The following ADCY2 variants were observed in gnomAD, a reference collection of about 807,000 sequenced individuals.
The protein encoded by ADCY2 is adenylate cyclase type 2.
A neutral mutation model predicts 125.2 loss-of-function variants in ADCY2; 31 were observed. The ratio of observed to expected loss-of-function variants is 0.25; its 90% confidence interval spans 0.19 to 0.33. The LOEUF is 0.33. Ranked by LOEUF, ADCY2 falls within the 10% of genes least tolerant of loss-of-function variation. The pLI, the probability that ADCY2 is intolerant of heterozygous loss-of-function variation, is 1.00. For missense variants in ADCY2, 904 were observed against 1,418.2 expected, an observed-to-expected ratio of 0.64 and a Z score of 5.82; for synonymous variants, 512 against 548.4, an observed-to-expected ratio of 0.93 and a Z score of 0.93.
chr5:7,702,441 A>T (rs1741116749), intron 7 of ADCY2, among the ~76,000 whole-genome samples: 8 of 147,096 alleles, frequency 5.4e-5, no homozygotes, highest in Admixed American at 5.4e-4. Flanking sequence ...ATGTGTTCTC[A>T]TTGTTCAGTT....
chr5:7,624,892 G>A (rs1720494827), intron 3 of ADCY2, among the ~76,000 whole-genome samples: 1 of 152,090 alleles, frequency 6.6e-6, no homozygotes, highest in African/African-American at 2.4e-5. Flanking sequence ...GGGTAGGGTG[G>A]GTTTTAACCA....
chr5:7,787,290 T>C lies in ADCY2; in HGVS notation c.2470-2352T>C, dbSNP rs554777705. Among the ~76,000 whole-genome samples the C allele has an allele frequency of 1.8e-3, 271 of 152,324 alleles. 2 individuals are homozygous for C. Among genetic ancestry groups the C allele is most frequent in the African/African-American group, 6.3e-3 (260 of 41,574 alleles). ...TTCATCTTGGCCTCTGCTAGACGCC[T>C]GCGCATGGCCTCCCGCCATGTCTCT... is the stretch of plus-strand genomic sequence containing the variant. On this transcript the variant is annotated intron_variant, in intron 19 of 24. Transcript: ENST00000338316.
chr5:7,445,004 T>C (rs573202309), intron 2 of ADCY2, among the ~76,000 whole-genome samples: 137 of 152,350 alleles, frequency 9.0e-4, no homozygotes, highest in African/African-American at 3.0e-3. Context: ...GTCATTTACC[T>C]TTGATTTAAG....
chr5:7,789,389 G>A (rs540347549), intron 19 of ADCY2, among the ~76,000 whole-genome samples: 4 of 152,268 alleles, frequency 2.6e-5, no homozygotes, highest in South Asian at 4.2e-4. Flanking sequence ...CTTTAATGGC[G>A]CTTTGAATTT....
chr5:7,573,368 G>A (rs1736123928), intron 3 of ADCY2, among the ~76,000 whole-genome samples: 1 of 152,142 alleles, frequency 6.6e-6, no homozygotes, highest in Admixed American at 6.5e-5. Context: ...GTGAGCGAAG[G>A]ATTGAAGGTG....
At chr5:7,728,624 A>G (rs1173945051) in intron 14 of ADCY2, among the ~76,000 whole-genome samples, 1 of 152,210 alleles carries the variant, frequency 6.6e-6, no homozygotes, top group East Asian at 1.9e-4. Flanking sequence ...CCCAGTACAC[A>G]GTGGCTTATA....
At chr5:7,598,184 T>C (rs1737073361) in intron 3 of ADCY2, among the ~76,000 whole-genome samples, 1 of 152,116 alleles carries the variant, frequency 6.6e-6, no homozygotes, top group Non-Finnish European at 1.5e-5. Context: ...CTGTGCTGAG[T>C]CCTACAGTCA....
At chr5:7,773,477 T>C (rs1244874270) in intron 18 of ADCY2, among the ~76,000 whole-genome samples, 1 of 152,156 alleles carries the variant, frequency 6.6e-6, no homozygotes, top group African/African-American at 2.4e-5. Flanking sequence ...TCCCTGGCCT[T>C]TACCCACTGA....
At chr5:7,484,376 A>G (rs145215349) in intron 2 of ADCY2, among the ~76,000 whole-genome samples, 1 of 152,238 alleles carries the variant, frequency 6.6e-6, no homozygotes, top group Non-Finnish European at 1.5e-5. Flanking sequence ...ACAAATGTGC[A>G]TCATCTTCCC....
chr5:7,822,726 ATG>A (rs33999538), intron 24 of ADCY2, among the ~76,000 whole-genome samples: 81,603 of 151,188 alleles, frequency 0.54, 22,306 homozygotes, highest in Middle Eastern at 0.62. Context: ...GTGTACATGC[ATG>A]TGTGTGTGTG....
chr5:7,581,765 G>A (rs1040619299), intron 3 of ADCY2, among the ~76,000 whole-genome samples: 4 of 148,362 alleles, frequency 2.7e-5, no homozygotes, highest in African/African-American at 1.0e-4. Context: ...AGCTTGCAGT[G>A]AGCTGAGATT....
At chr5:7,459,841 C>T (rs1210549421) in intron 2 of ADCY2, among the ~76,000 whole-genome samples, 2 of 118,932 alleles carry the variant, frequency 1.7e-5, no homozygotes, top group African/African-American at 6.5e-5. Context: ...GGCTGGAGTG[C>T]AGTGGCGCGA....
intron 3 of ADCY2, among the ~76,000 whole-genome samples, chr5:7,522,961 AC>A: frequency 6.6e-6 from 1 of 151,870 alleles, no homozygotes; most frequent in Admixed American, 6.6e-5. Context: ...AAATGAGAAA[AC>A]AATTTGCTCA....
intron 14 of ADCY2, among the ~76,000 whole-genome samples, chr5:7,731,589 T>C (rs1742105560): frequency 6.6e-6 from 1 of 151,166 alleles, no homozygotes; most frequent in Admixed American, 6.6e-5. Context: ...TATGGAAATA[T>C]CACTTCTTTT....
chr5:7,753,187 G>A (rs564566484), intron 15 of ADCY2, among the ~76,000 whole-genome samples: 1 of 152,270 alleles, frequency 6.6e-6, no homozygotes, highest in South Asian at 2.1e-4. Context: ...GTGAGCCACA[G>A]TGCCTGGCTA....
rs561788027 is a variant in ADCY2, at chr5:7,418,919, C to T, written c.408+4149C>T. On this transcript the variant is annotated intron_variant, in intron 2 of 24. Coordinates refer to ENST00000338316, the MANE Select transcript of ADCY2 (RefSeq NM_020546.3). ...CTGCCTGCCTTGGCCTCCCAAACTGCTGGGATTACAGGCGTGAGCCACTGC... is the reference window on the plus strand; with the variant it reads ...CTGCCTGCCTTGGCCTCCCAAACTGTTGGGATTACAGGCGTGAGCCACTGC... 5.9e-4 allele frequency among the ~76,000 whole-genome samples: 90 copies of T among 152,234 alleles called. 1 individual carries two copies. Among genetic ancestry groups the T allele is most frequent in the Non-Finnish European group, 9.4e-4 (64 of 68,016 alleles).
chr5:7,438,967 C>G (rs1740908346), intron 2 of ADCY2, among the ~76,000 whole-genome samples: 2 of 152,154 alleles, frequency 1.3e-5, no homozygotes, highest in African/African-American at 4.8e-5. Context: ...GGGAGCAACA[C>G]AAGGGTCATG....
In ADCY2 at chr5:7,596,922, C is replaced by A. The variant is rs186035629; in HGVS notation, c.571-29245C>A. ...TTCAAACAGGAATTAAGAAGGGCTA[C>A]ATATAAATGATACAGCCAAGTTAAA... On this transcript the variant is annotated intron_variant, in intron 3 of 24. Transcript: ENST00000338316. Among the ~76,000 whole-genome samples the A allele has an allele frequency of 3.0e-3, 461 of 152,268 alleles. 1 individual carries two copies. The highest frequency in any genetic ancestry group is 5.7e-3 in the Admixed American group (87 of 15,300).
At chr5:7,593,084 A>T (rs1036959344) in intron 3 of ADCY2, among the ~76,000 whole-genome samples, 17 of 152,166 alleles carry the variant, frequency 1.1e-4, no homozygotes, top group African/African-American at 4.1e-4. Context: ...GACCAATAGC[A>T]GGAGGGAGAG....
Sources: gnomAD v4.1 joint callset for allele counts (sites outside exome capture counted in the v4.1 genomes callset) on GRCh38, gnomAD v4.1.1 for gene constraint, MANE v1.5 for transcripts, NCBI Gene and HGNC (gene_info 2026-07-23, HGNC 2026-07-21) for gene names.